Variants in STRN3 observed in about 807,000 individuals in gnomAD.
The protein encoded by STRN3 is striatin-3.
A neutral mutation model predicts 95.6 loss-of-function variants in STRN3; 29 were observed. The observed-to-expected ratio is 0.30, with a 90% confidence interval of 0.23 to 0.41. STRN3 has a LOEUF of 0.41. Ranked by LOEUF, STRN3 falls within the 10% of genes least tolerant of loss-of-function variation. STRN3 has a pLI of 1.00. For missense variants in STRN3, 890 were observed against 972.1 expected (o/e 0.92, Z 1.12); for synonymous variants, 331 against 357.6 (o/e 0.93, Z 0.84).
At chr14:31,007,651 C>T (rs779538035) in intron 1 of STRN3, among the ~76,000 whole-genome samples, 1 of 152,038 alleles carries the variant, frequency 6.6e-6, no homozygotes, top group Non-Finnish European at 1.5e-5. Context: ...ATCCATAATT[C>T]CAACAACTTA....
chr14:30,956,750 AC>A (rs1388297036), intron 1 of STRN3, among the ~76,000 whole-genome samples: 12 of 152,244 alleles, frequency 7.9e-5, no homozygotes, highest in African/African-American at 2.7e-4. Flanking sequence ...CTAATTCCTA[AC>A]ATACAATTCA....
At chr14:30,959,651 G>C (rs1880090174) in intron 1 of STRN3, among the ~76,000 whole-genome samples, 1 of 151,742 alleles carries the variant, frequency 6.6e-6, no homozygotes, top group Non-Finnish European at 1.5e-5. Context: ...ATTCCCCATG[G>C]CATCAAAAAA....
intron 9 of STRN3, among the ~76,000 whole-genome samples, chr14:30,918,488 G>A (rs780234100): frequency 4.7e-5 from 7 of 149,396 alleles, no homozygotes; most frequent in Non-Finnish European, 1.0e-4. Context: ...CAGCCTGGGA[G>A]ACAGAGTGAG....
chr14:30,986,882 C>T (rs560159758), intron 1 of STRN3, among the ~76,000 whole-genome samples: 2 of 152,276 alleles, frequency 1.3e-5, no homozygotes, highest in South Asian at 2.1e-4. Context: ...ACACATACTA[C>T]ATATTTAATT....
At chr14:30,987,492 G>C (rs1218949900) in intron 1 of STRN3, among the ~76,000 whole-genome samples, 1 of 151,702 alleles carries the variant, frequency 6.6e-6, no homozygotes, top group African/African-American at 2.4e-5. Flanking sequence ...GGGTGACAGA[G>C]CGAGACTCCA....
chr14:30,968,459 A>G (rs1401030947), intron 1 of STRN3, among the ~76,000 whole-genome samples: 1 of 151,416 alleles, frequency 6.6e-6, no homozygotes, highest in Non-Finnish European at 1.5e-5. Flanking sequence ...AGGCGGGCGG[A>G]TCACGAGGTC....
chr14:30,965,863 T>C (rs540417870), intron 1 of STRN3, among the ~76,000 whole-genome samples: 1 of 152,174 alleles, frequency 6.6e-6, no homozygotes, highest in African/African-American at 2.4e-5. Flanking sequence ...AGATATGAGT[T>C]CTAAATTTCT....
chr14:30,900,309 T>C (rs1594407416), intron 16 of STRN3, among the ~76,000 whole-genome samples: 2 of 148,440 alleles, frequency 1.3e-5, no homozygotes, highest in Non-Finnish European at 3.0e-5. Flanking sequence ...CAGTGAGCCG[T>C]GATCGTGCCA....
At chr14:30,907,143 A>C (rs1896484057) in intron 13 of STRN3, 99 bp from the exon 14 acceptor site, 2 of 1,347,012 alleles carry the variant, frequency 1.5e-6, no homozygotes, top group Non-Finnish European at 2.0e-6. Context: ...CATAAAGAAC[A>C]CACATAAAGG....
At position 31,011,470 on chromosome 14, in the gene STRN3, C is replaced by T. The variant is rs376092077; in HGVS notation, c.282+14434G>A. On this transcript the variant is annotated intron_variant, in intron 1 of 17. Transcript: ENST00000357479. ...CAGCTTAGCTAATATGGCAAAACCT[C>T]GTCTCAACTAAAAATACAAAAAATT... 1.1e-4 allele frequency among the ~76,000 whole-genome samples: 16 copies of T among 152,052 alleles called. No homozygotes were observed. The East Asian group carries it at 2.1e-3, about 20-fold the overall frequency.
intron 8 of STRN3, among the ~76,000 whole-genome samples, chr14:30,925,564 G>T (rs1298246726): frequency 6.6e-6 from 1 of 152,038 alleles, no homozygotes; most frequent in Non-Finnish European, 1.5e-5. Context: ...AAAAATCAAG[G>T]TTGGTAAATG....
chr14:30,936,646 A>G, intron 5 of STRN3, 22 bp from the exon 6 acceptor site: 1 of 1,593,868 alleles, frequency 6.3e-7, no homozygotes, highest in South Asian at 1.2e-5. Flanking sequence ...AAAAAAAGAT[A>G]AATCCAACTA....
chr14:30,919,368 T>C (rs943659497), intron 8 of STRN3, among the ~76,000 whole-genome samples: 5 of 151,492 alleles, frequency 3.3e-5, no homozygotes, highest in African/African-American at 1.2e-4. Flanking sequence ...AAGAGATATA[T>C]ATATATATAT....
intron 5 of STRN3, among the ~76,000 whole-genome samples, chr14:30,943,754 A>G (rs1278755250): frequency 6.6e-6 from 1 of 152,248 alleles, no homozygotes; most frequent in Non-Finnish European, 1.5e-5. Flanking sequence ...CCATGAAGAC[A>G]TTACGCTAAG....
chr14:31,005,057 G>C (rs1351476408), intron 1 of STRN3, among the ~76,000 whole-genome samples: 1 of 152,116 alleles, frequency 6.6e-6, no homozygotes, highest in African/African-American at 2.4e-5. Context: ...AGCAGCACTG[G>C]GCACAGTGGC....
intron 8 of STRN3, among the ~76,000 whole-genome samples, chr14:30,921,771 G>A (rs1318053831): frequency 6.6e-6 from 1 of 152,164 alleles, no homozygotes; most frequent in Non-Finnish European, 1.5e-5. Flanking sequence ...AAGGCATATT[G>A]AAGGCCCATT....
At chr14:31,021,095 G>A (rs533967561) in intron 1 of STRN3, among the ~76,000 whole-genome samples, 7 of 152,122 alleles carry the variant, frequency 4.6e-5, no homozygotes, top group Non-Finnish European at 7.4e-5. Flanking sequence ...TACTAGCGAT[G>A]GGGAGGATAG....
intron 1 of STRN3, among the ~76,000 whole-genome samples, chr14:30,966,299 T>C (rs908854035): frequency 3.3e-5 from 5 of 152,218 alleles, no homozygotes; most frequent in African/African-American, 4.8e-5. Context: ...GGGTGCACCC[T>C]TCTATACAGA....
chr14:31,007,302 C>A (rs1004719927), intron 1 of STRN3, among the ~76,000 whole-genome samples: 2 of 152,164 alleles, frequency 1.3e-5, no homozygotes, highest in East Asian at 1.9e-4. Context: ...TTCTCCTCCC[C>A]CTCCAAGCAC....
Sources: allele counts gnomAD v4.1 joint callset (sites outside exome capture counted in the v4.1 genomes callset), GRCh38; gene constraint gnomAD v4.1.1; transcripts MANE v1.5; gene names NCBI Gene and HGNC (gene_info 2026-07-23, HGNC 2026-07-21).